The following SLC25A21 variants were observed in gnomAD, a reference collection of about 807,000 sequenced individuals.
The protein encoded by SLC25A21 is solute carrier family 25 member 21, also known as mitochondrial 2-oxodicarboxylate carrier.
In SLC25A21, 47 loss-of-function variants were observed where a neutral mutation model predicts 43.8. That is an observed-to-expected ratio of 1.07 (90% CI 0.85 to 1.37). The LOEUF (loss-of-function observed/expected upper bound fraction) is 1.37. Among genes scored for constraint, SLC25A21 ranks in the 40% most tolerant of loss-of-function variants. The pLI is 0.00. For synonymous variants in SLC25A21, 131 were observed against 121.3 expected (o/e 1.08, Z -0.52); for missense variants, 352 against 350.2 (o/e 1.00, Z -0.04).
At chr14:37,015,959 T>G (rs922576267) in intron 1 of SLC25A21, among the ~76,000 whole-genome samples, 2 of 150,750 alleles carry the variant, frequency 1.3e-5, no homozygotes, top group African/African-American at 4.9e-5. Context: ...GTCAGATGAG[T>G]AGGTTGCGAA....
At chr14:37,037,467 T>C (rs1467492) in intron 1 of SLC25A21, among the ~76,000 whole-genome samples, 8 of 151,850 alleles carry the variant, frequency 5.3e-5, no homozygotes, top group Non-Finnish European at 1.2e-4. Flanking sequence ...ATCACCAGGG[T>C]TGCTTTCATA....
At chr14:36,928,112 T>A (rs537213560) in intron 1 of SLC25A21, among the ~76,000 whole-genome samples, 1 of 152,310 alleles carries the variant, frequency 6.6e-6, no homozygotes, top group Admixed American at 6.5e-5. Flanking sequence ...TCCTAAAGCA[T>A]CTGGCCTCTC....
At chr14:37,162,733 C>T (rs1470321441) in intron 1 of SLC25A21, among the ~76,000 whole-genome samples, 13 of 152,142 alleles carry the variant, frequency 8.5e-5, no homozygotes, top group Non-Finnish European at 1.2e-4. Context: ...GTCAGTGTGG[C>T]GATTCCTCAG....
chr14:37,000,899 C>T (rs1429103261), intron 1 of SLC25A21, among the ~76,000 whole-genome samples: 4 of 152,144 alleles, frequency 2.6e-5, no homozygotes, highest in African/African-American at 7.2e-5. Context: ...AGTCATGCTT[C>T]CTGTTCAGTC....
chr14:36,724,862 G>GTT (rs915261815), intron 6 of SLC25A21, among the ~76,000 whole-genome samples: 1 of 150,234 alleles, frequency 6.7e-6, no homozygotes, highest in Non-Finnish European at 1.5e-5. Context: ...AAATGACTCA[G>GTT]TTTTTTTTTT....
chr14:36,904,552 G>A (rs1339864336), intron 1 of SLC25A21, among the ~76,000 whole-genome samples: 3 of 152,122 alleles, frequency 2.0e-5, no homozygotes, highest in Non-Finnish European at 2.9e-5. Flanking sequence ...TCACACTTCT[G>A]TAAAGATAAT....
chr14:36,953,809 C>T (rs888424827), intron 1 of SLC25A21, among the ~76,000 whole-genome samples: 2 of 152,066 alleles, frequency 1.3e-5, no homozygotes, highest in Non-Finnish European at 2.9e-5. Flanking sequence ...ACCACATAGG[C>T]ATTTTAGACA....
At chr14:36,878,135 C>A (rs1041963546) in intron 1 of SLC25A21, among the ~76,000 whole-genome samples, 3 of 152,060 alleles carry the variant, frequency 2.0e-5, no homozygotes, top group Non-Finnish European at 4.4e-5. Context: ...AAACAGTTTA[C>A]CAGTAAAAAC....
intron 1 of SLC25A21, among the ~76,000 whole-genome samples, chr14:36,897,367 G>T (rs945593269): frequency 5.9e-5 from 9 of 152,148 alleles, no homozygotes; most frequent in Middle Eastern, 6.8e-3. Context: ...ATGTTCTTGT[G>T]CCTTGGTTTT....
chr14:36,958,056 T>G (rs563907274), intron 1 of SLC25A21, among the ~76,000 whole-genome samples: 47 of 146,736 alleles, frequency 3.2e-4, no homozygotes, highest in African/African-American at 1.1e-3. Context: ...CAGAAATTAC[T>G]TTTTGAGGCT....
At chr14:36,720,135 C>T (rs575610577) in intron 6 of SLC25A21, among the ~76,000 whole-genome samples, 56 of 152,318 alleles carry the variant, frequency 3.7e-4, no homozygotes, top group Middle Eastern at 6.8e-3. Context: ...CTAGACCATG[C>T]TCTCTGCACC....
chr14:36,762,872 A>T (rs1886215878), intron 3 of SLC25A21, among the ~76,000 whole-genome samples: 1 of 152,218 alleles, frequency 6.6e-6, no homozygotes, highest in Non-Finnish European at 1.5e-5. Context: ...AGCACAAAGC[A>T]GAGTTTAAGA....
At chr14:36,700,990 C>G (rs139544884) in intron 7 of SLC25A21, among the ~76,000 whole-genome samples, 7 of 152,248 alleles carry the variant, frequency 4.6e-5, no homozygotes, top group Middle Eastern at 3.4e-3. Context: ...TGAGAGTGAA[C>G]TGCCTTTTTT....
chr14:36,955,677 A>T (rs1959321106), intron 1 of SLC25A21, among the ~76,000 whole-genome samples: 1 of 152,102 alleles, frequency 6.6e-6, no homozygotes, highest in African/African-American at 2.4e-5. Context: ...GATTTTTCAC[A>T]TCTACACATC....
intron 1 of SLC25A21, among the ~76,000 whole-genome samples, chr14:37,119,890 T>A (rs140376123): frequency 2.0e-5 from 3 of 152,096 alleles, no homozygotes; most frequent in Non-Finnish European, 4.4e-5. Context: ...GGCAGCAAGT[T>A]CCTACCTAAA....
At chr14:36,796,521 G>A (rs904316415) in intron 3 of SLC25A21, among the ~76,000 whole-genome samples, 7 of 151,434 alleles carry the variant, frequency 4.6e-5, no homozygotes, top group African/African-American at 1.5e-4. Context: ...GGACTCAGGC[G>A]CTCCATCAGA....
chr14:37,078,918 T>C (rs973501889), intron 1 of SLC25A21, among the ~76,000 whole-genome samples: 5 of 152,072 alleles, frequency 3.3e-5, no homozygotes, highest in Non-Finnish European at 7.4e-5. Flanking sequence ...GAACAGACTA[T>C]GGTTTGGGAT....
chr14:36,940,914 G>A (rs1892540097), intron 1 of SLC25A21, among the ~76,000 whole-genome samples: 1 of 152,098 alleles, frequency 6.6e-6, no homozygotes, highest in African/African-American at 2.4e-5. Context: ...TAGGTCATTT[G>A]ATCTTGCTTC....
At position 36,807,955 on chromosome 14, in the gene SLC25A21, C is replaced by T. The variant is rs566058277; in HGVS notation, c.203+5963G>A. On this transcript the variant is annotated intron_variant, in intron 3 of 9. Coordinates refer to ENST00000331299, the MANE Select transcript of SLC25A21 (RefSeq NM_030631.4). ...GCCAATTATGCTCGAGCTCATAAAA[C>T]GAGGCCTTAAATGTCATTTAACTAG... is the stretch of plus-strand genomic sequence containing the variant. Among the ~76,000 whole-genome samples the T allele has an allele frequency of 1.8e-4, 27 of 152,272 alleles. No individual in the cohort carries two copies. In the South Asian group the frequency reaches 5.2e-3, roughly 29 times the overall value.
Sources: gnomAD v4.1 joint callset for allele counts (sites outside exome capture counted in the v4.1 genomes callset) on GRCh38, gnomAD v4.1.1 for gene constraint, MANE v1.5 for transcripts, NCBI Gene and HGNC (gene_info 2026-07-23, HGNC 2026-07-21) for gene names.